Variants in ELP4 observed in about 807,000 individuals in gnomAD.
ELP4 encodes elongator complex protein 4.
Under a neutral mutation model 48.9 loss-of-function variants are expected in ELP4, and 51 were observed. The ratio of observed to expected loss-of-function variants is 1.04; its 90% CI spans 0.83 to 1.32. The LOEUF (loss-of-function observed/expected upper bound fraction) is 1.32, where lower values mean the gene tolerates loss of function less well. Ranked by LOEUF, ELP4 falls within the 40% of genes most tolerant of loss-of-function variation. The probability of loss-of-function intolerance (pLI) is 0.00; values close to 1 mark genes in which losing one functional copy is unlikely to be tolerated. For missense variants in ELP4, 519 were observed against 514.6 expected (o/e 1.01, Z -0.08); for synonymous variants, 210 against 189.2 (o/e 1.11, Z -0.90).
intron 9 of ELP4, among the ~76,000 whole-genome samples, chr11:31,759,677 A>T (rs907712544): frequency 6.6e-6 from 1 of 151,850 alleles, no homozygotes; most frequent in African/African-American, 2.4e-5. Context: ...TACCTCGTTT[A>T]AGTGTTTTCT....
intron 9 of ELP4, among the ~76,000 whole-genome samples, chr11:31,680,230 A>G (rs1946027545): frequency 6.6e-6 from 1 of 152,238 alleles, no homozygotes; most frequent in East Asian, 1.9e-4. Context: ...ACTGGAAAAC[A>G]GAAGTCTCCA....
Position 31,549,246 on chromosome 11 carries a change from G to A in ELP4, c.381+9463G>A, listed in dbSNP as rs547703885. On this transcript the variant is annotated intron_variant, in intron 3 of 9. Transcript: ENST00000640961. ...TTTCGCAACCTACTCATCTGACAAAGGGCTAATATCCAGAATCTACAATGA... is the reference window on the plus strand; with the variant it reads ...TTTCGCAACCTACTCATCTGACAAAAGGCTAATATCCAGAATCTACAATGA... 2.3e-3 allele frequency among the ~76,000 whole-genome samples: 347 copies of A among 151,618 alleles called. 1 individual carries two copies. Among genetic ancestry groups the A allele is most frequent in the Non-Finnish European group, 4.1e-3 (279 of 67,834 alleles).
chr11:31,510,068 G>A, intron 1 of ELP4, 61 bp downstream of exon 1: 13 of 1,512,714 alleles, frequency 8.6e-6, no homozygotes, highest in Non-Finnish European at 1.2e-5. Flanking sequence ...GGACCTGTCG[G>A]GGAAGCCACT....
rs1946061904 is a variant in ELP4 at position 31,681,980 on chromosome 11, A to T, written c.1143+31759A>T. ...GGTCTCGAACTCCTGACCTCAGGTG[A>T]TTCATCCGCCTCAGCCTCCCAAAGT... On this transcript the variant is annotated intron_variant, in intron 9 of 9. Transcript: ENST00000640961. 5.2e-6 allele frequency: 5 copies of T among 970,328 alleles called. No homozygotes were observed. In the South Asian group the frequency reaches 7.1e-5, roughly 14 times the overall value. The allele number at this position is 970,328 out of a possible 1,614,324, so 60.1% of individuals were successfully genotyped here. A position where few individuals can be genotyped will look rare whatever the true frequency, so the allele number is the denominator to read the frequency against.
chr11:31,750,390 A>G (rs1236646574), intron 9 of ELP4, among the ~76,000 whole-genome samples: 1 of 152,038 alleles, frequency 6.6e-6, no homozygotes, highest in Non-Finnish European at 1.5e-5. Flanking sequence ...AGCTTTCAGG[A>G]AAAGTAACTA....
At chr11:31,599,512 CACACACACACAA>C (rs1358184568) in intron 4 of ELP4, 2 of 78,978 alleles carry the variant, frequency 2.5e-5, no homozygotes, top group Admixed American at 1.1e-4. Context: ...CACACACACA[CACACACACACAA>C]AAAAAAAAAA....
intron 9 of ELP4, among the ~76,000 whole-genome samples, chr11:31,780,174 C>T (rs1278114419): frequency 6.6e-6 from 1 of 152,064 alleles, no homozygotes; most frequent in African/African-American, 2.4e-5. Flanking sequence ...GAGTATCTTG[C>T]AGCATTTTTT....
intron 3 of ELP4, among the ~76,000 whole-genome samples, chr11:31,583,877 A>G (rs576908829): frequency 1.3e-5 from 2 of 152,226 alleles, no homozygotes; most frequent in Admixed American, 6.5e-5. Flanking sequence ...ACTTTCGACT[A>G]TTAAGCACTT....
chr11:31,575,609 A>T (rs1957262225), intron 3 of ELP4, among the ~76,000 whole-genome samples: 1 of 152,246 alleles, frequency 6.6e-6, no homozygotes. Flanking sequence ...ACATTCTACA[A>T]ACCAGAAGAG....
chr11:31,594,935 C>A lies in ELP4; in HGVS notation c.513+34C>A, dbSNP rs773977721. On this transcript the variant is annotated intron_variant, in intron 4 of 9. Transcript: ENST00000640961. ...ACATACAAATTCTTTCCAAAATTTG[C>A]AAATGCATTTGTTTTCATCTTACAG... 2.0e-6 allele frequency: 3 copies of A among 1,529,652 alleles called. No homozygotes were observed. The Admixed American group carries it at 7.3e-5, about 37-fold the overall frequency. The allele number at this position is 1,529,652 out of a possible 1,614,324, so 94.8% of individuals were successfully genotyped here.
At chr11:31,517,407 G>A (rs1045961102) in intron 1 of ELP4, among the ~76,000 whole-genome samples, 4 of 151,940 alleles carry the variant, frequency 2.6e-5, no homozygotes, top group African/African-American at 9.7e-5. Context: ...TATGTGATCT[G>A]CCTGCCTCGG....
In ELP4 at chr11:31,529,071, A is replaced by G. The variant is rs75742873; in HGVS notation, c.259+8980A>G. Among the ~76,000 whole-genome samples, 1,212 of 151,402 alleles carry G rather than the reference A, an allele frequency of 8.0e-3. 12 individuals carry two copies. The highest frequency in any genetic ancestry group is 0.027 in the African/African-American group (1,127 of 41,226). Reference sequence around the variant, plus strand: ...ATATATATATATTTGCAGTGAGTCAATATGCCACTGCACTCCAGCCTGCGT... The same window carrying G: ...ATATATATATATTTGCAGTGAGTCAGTATGCCACTGCACTCCAGCCTGCGT... On this transcript the variant is annotated intron_variant, in intron 2 of 9. Transcript: ENST00000640961.
intron 9 of ELP4, among the ~76,000 whole-genome samples, chr11:31,743,960 T>G (rs1343836494): frequency 6.6e-6 from 1 of 152,138 alleles, no homozygotes; most frequent in African/African-American, 2.4e-5. Flanking sequence ...GGAGCTGGTT[T>G]TTTGAAAAGC....
At chr11:31,641,753 G>A (rs977959757) in intron 7 of ELP4, among the ~76,000 whole-genome samples, 10 of 151,824 alleles carry the variant, frequency 6.6e-5, no homozygotes, top group African/African-American at 2.4e-4. Context: ...TCTGGACCTG[G>A]CTCTTGTCAA....
rs534763986 is a variant in ELP4, at chr11:31,746,228, TCAGGAAATAA to T, written c.1144-37160_1144-37151del. ...AGTTAGAATGGCGGTCATTAAAAAG[TCAGGAAATAA>T]CAGGTGTTGGAGAGGATGTGGAGAA... On this transcript the variant is annotated intron_variant, in intron 9 of 9. Coordinates refer to ENST00000640961, the MANE Select transcript of ELP4 (RefSeq NM_019040.5). 3.9e-3 allele frequency among the ~76,000 whole-genome samples: 589 copies of T among 152,160 alleles called. 3 individuals carry two copies. The highest frequency in any genetic ancestry group is 0.014 in the African/African-American group (563 of 41,464).
chr11:31,524,278 C>T (rs945853052), intron 2 of ELP4, among the ~76,000 whole-genome samples: 1 of 152,146 alleles, frequency 6.6e-6, no homozygotes, highest in Admixed American at 6.5e-5. Context: ...AGGTGTCAGC[C>T]AGGGCTGAGT....
intron 2 of ELP4, among the ~76,000 whole-genome samples, chr11:31,525,477 G>T (rs1308993255): frequency 6.6e-6 from 1 of 152,070 alleles, no homozygotes; most frequent in Non-Finnish European, 1.5e-5. Context: ...GACTTAAATT[G>T]AATCAAAGTA....
chr11:31,529,774 G>C (rs1037650761), intron 2 of ELP4, among the ~76,000 whole-genome samples: 2 of 152,140 alleles, frequency 1.3e-5, no homozygotes, highest in African/African-American at 4.8e-5. Context: ...TTTCCAAAGA[G>C]AGACTGAGGA....
In ELP4 at chr11:31,632,109, A is replaced by G. The variant is rs560856377; in HGVS notation, c.739-108A>G. ...GTACATAAAAATTTTTAACACATCTATTGACATTGTCTCCCTGATGTTATA... is the reference window on the plus strand; with the variant it reads ...GTACATAAAAATTTTTAACACATCTGTTGACATTGTCTCCCTGATGTTATA... On this transcript the variant is annotated intron_variant, in intron 6 of 9. Transcript: ENST00000640961. 24 of 854,836 alleles carry G rather than the reference A, an allele frequency of 2.8e-5. No homozygotes were observed. In the East Asian group the frequency reaches 2.9e-4, roughly 10 times the overall value. The allele number at this position is 854,836 out of a possible 1,614,324, so 53.0% of individuals were successfully genotyped here.
Sources: gnomAD v4.1 joint callset for allele counts (sites outside exome capture counted in the v4.1 genomes callset) on GRCh38, gnomAD v4.1.1 for gene constraint, MANE v1.5 for transcripts, NCBI Gene and HGNC (gene_info 2026-07-23, HGNC 2026-07-21) for gene names.